Variants in FSD1 observed in about 807,000 individuals in gnomAD.
FSD1 encodes fibronectin type III and SPRY domain-containing protein 1.
Under a neutral mutation model 58.2 loss-of-function variants are expected in FSD1, and 23 were observed. The observed-to-expected ratio is 0.40, with a 90% confidence interval of 0.28 to 0.56. The LOEUF is 0.56. Ranked by LOEUF, FSD1 falls within the 20% of genes least tolerant of loss-of-function variation. The pLI is 0.54. For synonymous variants in FSD1, 265 were observed against 263.4 expected (o/e 1.01, Z -0.06); for missense variants, 563 against 670.8 (o/e 0.84, Z 1.78).
At position 4,322,969 on chromosome 19, in the gene FSD1, C is replaced by T; in HGVS notation, c.1040-17C>T. ...CTATCCAGTTCCCCTGCCCACCCCTCCTGCCCTGCGCCACAGGGGACACGC... is the reference window on the plus strand; with the variant it reads ...CTATCCAGTTCCCCTGCCCACCCCTTCTGCCCTGCGCCACAGGGGACACGC... On this transcript the variant is annotated splice_polypyrimidine_tract_variant and intron_variant, in intron 10 of 12. Coordinates refer to ENST00000221856, the MANE Select transcript of FSD1 (RefSeq NM_024333.3). The T allele has an allele frequency of 1.2e-6, 2 of 1,602,830 alleles. No homozygotes were observed. The highest frequency in any genetic ancestry group is 1.3e-5 in the African/African-American group (1 of 74,702).
chr19:4,308,022 C>G (rs371617832), intron 4 of FSD1, 39 bp downstream of exon 4: 2 of 1,487,620 alleles, frequency 1.3e-6, no homozygotes, highest in East Asian at 4.5e-5. Context: ...GAACAGTGTG[C>G]CCAGTCACGT....
At position 4,311,945 on chromosome 19, in the gene FSD1, C is replaced by T. The variant is rs34953789; in HGVS notation, c.594C>T (p.Tyr198=). Residue 198 remains tyrosine, a synonymous_variant, in exon 7 of 13, where the codon TAC becomes TAT. Transcript: ENST00000221856. ...MPDEDSKIDH[Y]VLEYRRTNFE... is the part of the protein sequence containing the mutation. The stretch of plus-strand genomic sequence containing the variant: ...ATGAGGACAGCAAGATTGACCACTA[C>T]GTGCTGGAGTACCGGCGGACCAACT... 26,610 of 1,613,898 alleles carry T rather than the reference C, an allele frequency of 0.016. 283 individuals are homozygous for T. Among genetic ancestry groups the T allele is most frequent in the Non-Finnish European group, 0.018 (20,924 of 1,180,012 alleles).
intron 7 of FSD1, among the ~76,000 whole-genome samples, chr19:4,313,584 G>T (rs1971719643): frequency 6.6e-6 from 1 of 151,822 alleles, no homozygotes; most frequent in Admixed American, 6.6e-5. Flanking sequence ...TGGGTGTGGT[G>T]GCGGGCGCCT....
At chr19:4,306,502 C>G (rs562727409) in intron 3 of FSD1, among the ~76,000 whole-genome samples, 173 bp downstream of exon 3, 1 of 151,750 alleles carries the variant, frequency 6.6e-6, no homozygotes, top group African/African-American at 2.4e-5. Flanking sequence ...AGGTCTCGCT[C>G]TGTCGCCCAG....
intron 2 of FSD1, 32 bp downstream of exon 2, chr19:4,306,073 A>AG (rs1213521215): frequency 6.3e-7 from 1 of 1,598,824 alleles, no homozygotes; most frequent in Non-Finnish European, 8.6e-7. Flanking sequence ...TGGGGAGGTA[A>AG]GGGGAGGGGA....
intron 4 of FSD1, among the ~76,000 whole-genome samples, chr19:4,308,530 A>T (rs1971650601): frequency 6.6e-6 from 1 of 151,842 alleles, no homozygotes; most frequent in Non-Finnish European, 1.5e-5. Flanking sequence ...TCAGACCAAC[A>T]TGGGCAACAT....
chr19:4,319,938 C>G (rs768317204), intron 10 of FSD1, among the ~76,000 whole-genome samples: 3 of 152,060 alleles, frequency 2.0e-5, no homozygotes, highest in African/African-American at 7.2e-5. Flanking sequence ...GGAATAGCTG[C>G]ATTGGGTGAA....
chr19:4,318,539 T>C, intron 9 of FSD1, 34 bp downstream of exon 9: 9 of 1,527,990 alleles, frequency 5.9e-6, no homozygotes, highest in Non-Finnish European at 8.0e-6. Context: ...AAGTCTCTGG[T>C]GGAGGAGATC....
intron 6 of FSD1, chr19:4,310,885 T>G: frequency 3.3e-6 from 1 of 304,294 alleles, no homozygotes; most frequent in Non-Finnish European, 6.3e-6. Flanking sequence ...GTTGGTTGAG[T>G]CCTCATGAGG....
In FSD1 at chr19:4,304,628, G is replaced by A. The variant is rs915883047; in HGVS notation, c.-119G>A. On this transcript the variant is annotated 5_prime_UTR_variant, in exon 1 of 13. Transcript: ENST00000221856. ...GCGCGCGGTGATGGAGCGCTAACCG[G>A]GGGCGCGGCGGCGGCGAGGGCTCGG... The A allele has an allele frequency of 1.1e-5, 6 of 536,372 alleles. No homozygotes were observed. The highest frequency in any genetic ancestry group is 9.2e-5 in the South Asian group (1 of 10,868). The allele number at this position is 536,372 out of a possible 1,614,324, so 33.2% of individuals were successfully genotyped here. A position where few individuals can be genotyped will look rare whatever the true frequency, so the allele number is the denominator to read the frequency against.
chr19:4,313,235 G>T (rs1480993803), intron 7 of FSD1, among the ~76,000 whole-genome samples: 7 of 151,936 alleles, frequency 4.6e-5, no homozygotes, highest in Admixed American at 4.6e-4. Flanking sequence ...CGCTACCAAG[G>T]GAGGCTAAGG....
intron 10 of FSD1, among the ~76,000 whole-genome samples, chr19:4,322,600 TGTG>T (rs1971709592): frequency 1.3e-5 from 2 of 148,324 alleles, no homozygotes; most frequent in African/African-American, 2.5e-5. Context: ...AGGGAATAGC[TGTG>T]GCCCAAGGTG....
At chr19:4,310,317 C>T (rs1303772326) in intron 5 of FSD1, 22 bp downstream of exon 5, 2 of 1,613,942 alleles carry the variant, frequency 1.2e-6, no homozygotes, top group Non-Finnish European at 8.5e-7. Flanking sequence ...GGGTCTGGCC[C>T]CCACCCCACT....
intron 10 of FSD1, among the ~76,000 whole-genome samples, chr19:4,320,353 C>T (rs1233453119): frequency 6.6e-6 from 1 of 151,670 alleles, no homozygotes; most frequent in African/African-American, 2.4e-5. Context: ...GCATCTGGAC[C>T]CTGCCAGAGC....
intron 8 of FSD1, 68 bp downstream of exon 8, chr19:4,317,348 C>T: frequency 2.0e-6 from 2 of 977,370 alleles, no homozygotes; most frequent in South Asian, 2.6e-5. Flanking sequence ...CCCCAGAGAC[C>T]ATGAGAATCC....
chr19:4,306,775 C>T (rs953077129), intron 3 of FSD1, among the ~76,000 whole-genome samples: 4 of 151,840 alleles, frequency 2.6e-5, no homozygotes, highest in African/African-American at 9.7e-5. Flanking sequence ...TCTCTGAATC[C>T]CCTCTCCATC....
At position 4,312,318 on chromosome 19, in the gene FSD1, A is replaced by C. The variant is rs192008943; in HGVS notation, c.700+267A>C. ...AGCGTGGCCAACATGGTGAAACCCTATCTCTACTAAAAATACAAAAAAATT... is the reference window on the plus strand; with the variant it reads ...AGCGTGGCCAACATGGTGAAACCCTCTCTCTACTAAAAATACAAAAAAATT... On this transcript the variant is annotated intron_variant, in intron 7 of 12. Transcript: ENST00000221856. 2.5e-3 allele frequency among the ~76,000 whole-genome samples: 376 copies of C among 151,716 alleles called. 3 individuals carry two copies. The highest frequency in any genetic ancestry group is 5.7e-4 in the Non-Finnish European group (39 of 67,900).
chr19:4,309,030 G>A (rs138590951), intron 4 of FSD1, among the ~76,000 whole-genome samples: 67 of 152,214 alleles, frequency 4.4e-4, no homozygotes, highest in African/African-American at 1.3e-3. Context: ...AGCAGAGATC[G>A]CACCACTGCA....
chr19:4,305,837 TACGTGTGTGCATGTGTGTGC>T, intron 1 of FSD1, 89 bp from the exon 2 acceptor site: 3 of 788,556 alleles, frequency 3.8e-6, no homozygotes, highest in African/African-American at 1.7e-5. Flanking sequence ...TGCATTTATG[TACGTGTGTGCATGTGTGTGC>T]ACGTGTGTAC....
Sources: gnomAD v4.1 joint callset for allele counts (sites outside exome capture counted in the v4.1 genomes callset) on GRCh38, gnomAD v4.1.1 for gene constraint, MANE v1.5 for transcripts, NCBI Gene and HGNC (gene_info 2026-07-23, HGNC 2026-07-21) for gene names.